The following ENOX1 variants were observed in gnomAD, a reference collection of about 807,000 sequenced individuals.
ENOX1 encodes the protein candidate growth-related and time keeping constitutive hydroquinone (NADH) oxidase.
Under a neutral mutation model 82.5 loss-of-function variants are expected in ENOX1, and 42 were observed. The ratio of observed to expected loss-of-function variants is 0.51; its 90% CI spans 0.40 to 0.66. The LOEUF is 0.66. Among genes scored for constraint, ENOX1 ranks in the 30% least tolerant of loss-of-function variants. The probability of loss-of-function intolerance (pLI) is 0.00; values close to 1 mark genes in which losing one functional copy is unlikely to be tolerated. For synonymous variants in ENOX1, 271 were observed against 282.2 expected (o/e 0.96, Z 0.40); for missense variants, 608 against 811.6 (o/e 0.75, Z 3.05).
chr13:43,308,952 T>C (rs2047026330), intron 11 of ENOX1, among the ~76,000 whole-genome samples: 1 of 152,136 alleles, frequency 6.6e-6, no homozygotes, highest in Non-Finnish European at 1.5e-5. Flanking sequence ...TGAAGGGATA[T>C]TATTTGCCAA....
chr13:43,403,865 G>A (rs895274264), intron 5 of ENOX1, among the ~76,000 whole-genome samples: 2 of 151,834 alleles, frequency 1.3e-5, no homozygotes, highest in African/African-American at 4.8e-5. Context: ...TAAATAAAAA[G>A]AAAGAAAAAG....
intron 3 of ENOX1, among the ~76,000 whole-genome samples, chr13:43,443,111 G>A (rs2056445388): frequency 6.6e-6 from 1 of 152,040 alleles, no homozygotes. Flanking sequence ...TTGGAAAAAT[G>A]TTTTCTATAA....
At chr13:43,291,533 C>T (rs2045999511) in intron 12 of ENOX1, among the ~76,000 whole-genome samples, 2 of 152,148 alleles carry the variant, frequency 1.3e-5, no homozygotes, top group South Asian at 4.1e-4. Context: ...CCTTAAGTTC[C>T]CTTGTCCTTC....
At chr13:43,385,240 A>G (rs1191508973) in intron 5 of ENOX1, among the ~76,000 whole-genome samples, 1 of 152,208 alleles carries the variant, frequency 6.6e-6, no homozygotes, top group Non-Finnish European at 1.5e-5. Flanking sequence ...AATACTCTCA[A>G]GATTAATTTT....
chr13:43,527,130 C>A (rs1300698742), intron 2 of ENOX1, among the ~76,000 whole-genome samples: 1 of 152,064 alleles, frequency 6.6e-6, no homozygotes, highest in Non-Finnish European at 1.5e-5. Context: ...TTTGTTACAG[C>A]AACACTAATG....
chr13:43,593,641 C>A (rs1566595478), intron 2 of ENOX1, among the ~76,000 whole-genome samples: 1 of 141,212 alleles, frequency 7.1e-6, no homozygotes, highest in Non-Finnish European at 1.5e-5. Flanking sequence ...TTCTATTCCC[C>A]CACCCCCACC....
chr13:43,426,018 T>C (rs1032317087), intron 3 of ENOX1, among the ~76,000 whole-genome samples: 4 of 152,238 alleles, frequency 2.6e-5, no homozygotes, highest in African/African-American at 9.6e-5. Context: ...ACACTTGTTA[T>C]GTTTGATCTG....
At position 43,361,407 on chromosome 13, in the gene ENOX1, G is replaced by T; in HGVS notation, c.254C>A (p.Thr85Asn). ...PGFDPSLNMM[T>N]GITPINPMIP... is the part of the protein sequence containing the mutation. ...CATTGGGTTAATGGGGGTGATTCCA[G>T]TCATCATGTTGAGGCTTGGATCAAA... The change falls in exon 6 of 17, where the codon ACT becomes AAT. Residue 85 changes from threonine (T) to asparagine (N), a missense_variant. By Grantham distance (65) the Thr-to-Asn change is moderately conservative (BLOSUM62 0). Coordinates refer to ENST00000690772, the MANE Select transcript of ENOX1 (RefSeq NM_001347969.2). 1 of 1,613,268 alleles carries T rather than the reference G, an allele frequency of 6.2e-7. No individual in the cohort carries two copies. Among genetic ancestry groups the T allele is most frequent in the Non-Finnish European group, 8.5e-7 (1 of 1,179,838 alleles).
chr13:43,667,562 T>C lies in ENOX1; in HGVS notation c.-284-18A>G. On this transcript the variant is annotated intron_variant, in intron 1 of 16. Coordinates refer to ENST00000690772, the MANE Select transcript of ENOX1 (RefSeq NM_001347969.2). ...CAAAGGACCTGTAAAATAAAGGCCATCTTGTTAGAAAAAACTTCAAACATC... is the reference window on the plus strand; with the variant it reads ...CAAAGGACCTGTAAAATAAAGGCCACCTTGTTAGAAAAAACTTCAAACATC... 6 of 931,920 alleles carry C rather than the reference T, an allele frequency of 6.4e-6. No individual in the cohort carries two copies. The highest frequency in any genetic ancestry group is 7.7e-6 in the Non-Finnish European group (6 of 781,106). The allele number at this position is 931,920 out of a possible 1,614,324, so 57.7% of individuals were successfully genotyped here.
At chr13:43,636,546 A>G (rs2083422981) in intron 2 of ENOX1, among the ~76,000 whole-genome samples, 1 of 152,222 alleles carries the variant, frequency 6.6e-6, no homozygotes, top group African/African-American at 2.4e-5. Flanking sequence ...CTCTTCTTAC[A>G]AATATTCTCT....
chr13:43,707,343 C>T (rs1405583996), intron 1 of ENOX1, among the ~76,000 whole-genome samples: 1 of 152,108 alleles, frequency 6.6e-6, no homozygotes, highest in African/African-American at 2.4e-5. Context: ...TTTGTAGATT[C>T]AATGCCATCC....
intron 9 of ENOX1, among the ~76,000 whole-genome samples, chr13:43,338,810 C>A (rs1167609560): frequency 1.3e-5 from 2 of 151,508 alleles, no homozygotes; most frequent in Admixed American, 1.3e-4. Context: ...CTCAGCCTCC[C>A]GAGTATCTGG....
chr13:43,417,215 G>A lies in ENOX1; in HGVS notation c.-74-4227C>T, dbSNP rs1302040369. ...CAGAGGGAGACGGGAGACGGGAGAC[G>A]GGAGACGGGAGACGGGAGACGGGAG... On this transcript the variant is annotated intron_variant, in intron 3 of 16. Coordinates refer to ENST00000690772, the MANE Select transcript of ENOX1 (RefSeq NM_001347969.2). Among the ~76,000 whole-genome samples, 28 of 105,244 alleles carry A rather than the reference G, an allele frequency of 2.7e-4. 1 individual carries two copies. The highest frequency in any genetic ancestry group is 1.1e-3 in the African/African-American group (24 of 20,974). 69.0% of individuals were successfully genotyped at this position (105,244 alleles called of 152,430 possible).
At chr13:43,734,929 A>G (rs917034534) in intron 1 of ENOX1, among the ~76,000 whole-genome samples, 4 of 152,202 alleles carry the variant, frequency 2.6e-5, no homozygotes, top group African/African-American at 9.7e-5. Context: ...GAGAAAAATC[A>G]TGCTCAAGAT....
chr13:43,297,923 C>G (rs1239118572), intron 12 of ENOX1, among the ~76,000 whole-genome samples: 1 of 152,178 alleles, frequency 6.6e-6, no homozygotes, highest in Non-Finnish European at 1.5e-5. Context: ...AAAGTGGAAA[C>G]AATATAATTT....
intron 2 of ENOX1, among the ~76,000 whole-genome samples, chr13:43,631,920 C>T (rs1243590066): frequency 6.6e-6 from 1 of 152,120 alleles, no homozygotes; most frequent in Non-Finnish European, 1.5e-5. Flanking sequence ...TTCTTTAAAA[C>T]AAGAGTGTTC....
chr13:43,504,287 T>C (rs2077077097), intron 2 of ENOX1, among the ~76,000 whole-genome samples: 3 of 151,772 alleles, frequency 2.0e-5, no homozygotes, highest in Admixed American at 2.0e-4. Context: ...GAATCAGAAC[T>C]ACCACTGGAT....
At chr13:43,577,381 C>A (rs1386296864) in intron 2 of ENOX1, among the ~76,000 whole-genome samples, 2 of 152,156 alleles carry the variant, frequency 1.3e-5, no homozygotes, top group Non-Finnish European at 2.9e-5. Flanking sequence ...ATCTGCCTGC[C>A]TTAGCCTCCC....
chr13:43,648,585 C>T (rs1357608800), intron 2 of ENOX1, among the ~76,000 whole-genome samples: 1 of 152,270 alleles, frequency 6.6e-6, no homozygotes, highest in East Asian at 1.9e-4. Flanking sequence ...AGTTCATAAG[C>T]CACTAACTCG....
Sources: gnomAD v4.1 joint callset for allele counts (sites outside exome capture counted in the v4.1 genomes callset) on GRCh38, gnomAD v4.1.1 for gene constraint, MANE v1.5 for transcripts, NCBI Gene and HGNC (gene_info 2026-07-23, HGNC 2026-07-21) for gene names.